The following SNX29 variants were observed in gnomAD, a reference collection of about 807,000 sequenced individuals.
SNX29 encodes sorting nexin 29.
SNX29 carries 78 observed loss-of-function variants against 102.1 expected under a neutral mutation model. That is an observed-to-expected ratio of 0.76 (90% CI 0.64 to 0.92). The LOEUF is 0.92. Among genes scored for constraint, SNX29 ranks in the 40% least tolerant of loss-of-function variants. The pLI, the probability that SNX29 is intolerant of heterozygous loss-of-function variation, is 0.00. For synonymous variants in SNX29, 580 were observed against 414.5 expected, an observed-to-expected ratio of 1.40 and a Z score of -4.85; for missense variants, 1,280 against 1,061.7, an observed-to-expected ratio of 1.21 and a Z score of -2.86.
At chr16:12,321,690 A>C (rs1312390580) in intron 15 of SNX29, among the ~76,000 whole-genome samples, 3 of 152,190 alleles carry the variant, frequency 2.0e-5, no homozygotes, top group Admixed American at 2.0e-4. Flanking sequence ...GCCTCCAACC[A>C]GCCTGTGGAT....
At chr16:12,500,839 A>G (rs1368333405) in intron 19 of SNX29, among the ~76,000 whole-genome samples, 2 of 152,168 alleles carry the variant, frequency 1.3e-5, no homozygotes, top group Non-Finnish European at 2.9e-5. Context: ...TGCAGTTGCT[A>G]TCAGATTGGA....
Position 12,571,349 on chromosome 16 carries a change from C to G in SNX29, c.*2720C>G, listed in dbSNP as rs908792302. 8.6e-6 allele frequency: 2 copies of G among 231,422 alleles called. No homozygotes were observed. Among genetic ancestry groups the G allele is most frequent in the Admixed American group, 1.1e-4 (2 of 17,716 alleles). 14.3% of individuals were successfully genotyped at this position (231,422 alleles called of 1,614,324 possible). ...CCTGGATTCAATTCTGAGGGCTAAG[C>G]CACGACCTTATCCATGAGTGGCGAA... On this transcript the variant is annotated 3_prime_UTR_variant, in exon 21 of 21. Coordinates refer to ENST00000566228, the MANE Select transcript of SNX29 (RefSeq NM_032167.5).
intron 15 of SNX29, among the ~76,000 whole-genome samples, chr16:12,327,405 C>G (rs865999661): frequency 3.9e-5 from 6 of 152,182 alleles, no homozygotes; most frequent in African/African-American, 9.6e-5. Context: ...CTTCCGGAGG[C>G]TGGAAGGCTG....
chr16:12,509,172 A>C (rs756239489), intron 19 of SNX29, among the ~76,000 whole-genome samples: 2 of 152,194 alleles, frequency 1.3e-5, no homozygotes, highest in African/African-American at 4.8e-5. Flanking sequence ...CACTGCTGCC[A>C]TTAAAGCCTC....
chr16:12,158,387 A>T (rs1324722202), intron 13 of SNX29, among the ~76,000 whole-genome samples: 1 of 151,998 alleles, frequency 6.6e-6, no homozygotes, highest in East Asian at 1.9e-4. Flanking sequence ...TTTAGTAGAG[A>T]TGAGGGTTCA....
intron 18 of SNX29, among the ~76,000 whole-genome samples, chr16:12,442,666 G>A (rs11859369): frequency 0.7 from 106,432 of 151,476 alleles, 38,451 homozygotes; most frequent in African/African-American, 0.88. Context: ...TCATGGCTCA[G>A]TGTAGCTGCT....
rs1301589688 is a variant in SNX29, at chr16:12,003,048, A to C, written c.122+5A>C. 6.2e-7 allele frequency: 1 copy of C among 1,614,146 alleles called. No homozygotes were observed. Among genetic ancestry groups the C allele is most frequent in the South Asian group, 1.1e-5 (1 of 91,084 alleles). On this transcript the variant is annotated splice_donor_5th_base_variant and intron_variant, in intron 3 of 20. Transcript: ENST00000566228. ...TGCCTCGGATTCCGACAGCAGGTAA[A>C]TATGTCACTTCTAAAACCGTTGACC... is the stretch of plus-strand genomic sequence containing the variant.
chr16:12,547,067 G>A (rs2077650871), intron 20 of SNX29, among the ~76,000 whole-genome samples: 1 of 152,214 alleles, frequency 6.6e-6, no homozygotes, highest in South Asian at 2.1e-4. Flanking sequence ...ATTGAATAGT[G>A]AGGCAGACAT....
chr16:12,395,541 G>A (rs529714451), intron 16 of SNX29, among the ~76,000 whole-genome samples: 3 of 152,286 alleles, frequency 2.0e-5, no homozygotes, highest in South Asian at 2.1e-4. Context: ...GAAGACTGCC[G>A]CGTGAGTGCC....
At chr16:12,559,525 A>C (rs918940243) in intron 20 of SNX29, among the ~76,000 whole-genome samples, 1 of 152,014 alleles carries the variant, frequency 6.6e-6, no homozygotes, top group African/African-American at 2.4e-5. Context: ...TTTGTATCTC[A>C]AAAGCATCCC....
At chr16:12,085,125 T>C (rs2052099769) in intron 11 of SNX29, among the ~76,000 whole-genome samples, 2 of 152,022 alleles carry the variant, frequency 1.3e-5, no homozygotes, top group African/African-American at 2.4e-5. Flanking sequence ...TTCTGTCCCC[T>C]CTGGGCCCTT....
intron 11 of SNX29, among the ~76,000 whole-genome samples, chr16:12,099,140 T>C (rs1297354048): frequency 2.0e-5 from 3 of 152,220 alleles, no homozygotes; most frequent in Non-Finnish European, 4.4e-5. Context: ...CTGGTGACTT[T>C]GCTGAGGTTC....
In SNX29 at chr16:12,403,495, G is replaced by A. The variant is rs768619037; in HGVS notation, c.2003G>A (p.Arg668Gln). ...INVWIPSVFL[R>Q]GKAANAFHVY... ...GTCTGGATCCCCTCAGTGTTTCTCC[G>A]GGGCAAAGCAGCAAATGCATTCCAC... The change falls in exon 18 of 21, where the codon CGG becomes CAG. Residue 668 changes from arginine (R) to glutamine (Q), a missense_variant. By Grantham distance (43) the Arg-to-Gln change is conservative. Coordinates refer to ENST00000566228, the MANE Select transcript of SNX29 (RefSeq NM_032167.5). 2.9e-5 allele frequency: 46 copies of A among 1,608,216 alleles called. No homozygotes were observed. The highest frequency in any genetic ancestry group is 4.0e-5 in the African/African-American group (3 of 74,752).
At chr16:12,241,338 G>C (rs781361726) in intron 14 of SNX29, among the ~76,000 whole-genome samples, 19 of 152,152 alleles carry the variant, frequency 1.2e-4, no homozygotes, top group Admixed American at 5.2e-4. Context: ...TACGTTAAAA[G>C]GGGGTTTATT....
At chr16:12,060,533 C>A (rs2050728859) in intron 8 of SNX29, among the ~76,000 whole-genome samples, 1 of 152,202 alleles carries the variant, frequency 6.6e-6, no homozygotes, top group Non-Finnish European at 1.5e-5. Flanking sequence ...ATCCCAAGAG[C>A]TCAAGGTTGC....
At chr16:12,477,003 C>T (rs1026947788) in intron 18 of SNX29, among the ~76,000 whole-genome samples, 4 of 152,150 alleles carry the variant, frequency 2.6e-5, no homozygotes, top group Admixed American at 2.6e-4. Flanking sequence ...GATGTCTCTC[C>T]TGCTTCTCTG....
At chr16:12,527,225 T>TCAGCCA in intron 20 of SNX29, 1 of 533,920 alleles carries the variant, frequency 1.9e-6, no homozygotes, top group Non-Finnish European at 3.6e-6. Context: ...TAATGATGGA[T>TCAGCCA]CAGCCACAGC....
chr16:12,078,428 T>C (rs2051692677), intron 10 of SNX29, among the ~76,000 whole-genome samples: 1 of 151,812 alleles, frequency 6.6e-6, no homozygotes, highest in African/African-American at 2.4e-5. Context: ...TGAGCCGAGA[T>C]CACGCAAAAG....
intron 15 of SNX29, among the ~76,000 whole-genome samples, chr16:12,304,605 C>G (rs1361816093): frequency 6.6e-6 from 1 of 152,226 alleles, no homozygotes; most frequent in Non-Finnish European, 1.5e-5. Flanking sequence ...GTTGGCCAGG[C>G]TGGTCTTGAA....
Sources: gnomAD v4.1 joint callset for allele counts (sites outside exome capture counted in the v4.1 genomes callset) on GRCh38, gnomAD v4.1.1 for gene constraint, MANE v1.5 for transcripts, NCBI Gene and HGNC (gene_info 2026-07-23, HGNC 2026-07-21) for gene names.